The following DEPDC4 variants were observed in gnomAD, a reference collection of about 807,000 sequenced individuals.
The protein encoded by DEPDC4 is DEP domain containing 4.
Under a neutral mutation model 52.0 loss-of-function variants are expected in DEPDC4, and 52 were observed. The ratio of observed to expected loss-of-function variants is 1.00; its 90% confidence interval spans 0.80 to 1.26. The LOEUF is 1.26. DEPDC4 is among the 50% of genes most tolerant of loss of function. The pLI, the probability that DEPDC4 is intolerant of heterozygous loss-of-function variation, is 0.00. For missense variants in DEPDC4, 530 were observed against 546.9 expected, an observed-to-expected ratio of 0.97 and a Z score of 0.31; for synonymous variants, 201 against 196.8, an observed-to-expected ratio of 1.02 and a Z score of -0.18.
intron 8 of DEPDC4, among the ~76,000 whole-genome samples, chr12:100,246,311 C>T (rs543183611): frequency 6.6e-6 from 1 of 152,112 alleles, no homozygotes; most frequent in Non-Finnish European, 1.5e-5. Flanking sequence ...GGTAATCCTC[C>T]TCCAAGCTTC....
intron 8 of DEPDC4, among the ~76,000 whole-genome samples, chr12:100,246,505 C>T (rs938052908): frequency 6.6e-6 from 1 of 152,186 alleles, no homozygotes; most frequent in Admixed American, 6.5e-5. Context: ...TTATCTTATA[C>T]CTCTTTGCAT....
rs767452547 is a variant in DEPDC4 at position 100,256,182 on chromosome 12, G to T, written c.745C>A (p.His249Asn). ...AAAATATTGTCCAAGAATGGAAGGTGAATCAATTGAAGAAGACATAATAAT... is the reference window on the plus strand; with the variant it reads ...AAAATATTGTCCAAGAATGGAAGGTTAATCAATTGAAGAAGACATAATAAT... ...QTLLCLLQLI[H>N]LPFLDNILEP... Residue 249 changes from histidine to asparagine, a missense_variant, in exon 4 of 10, where the codon CAC becomes AAC. His to Asn is a moderately conservative substitution (Grantham distance 68). Coordinates refer to ENST00000550587, the MANE Select transcript of DEPDC4 (RefSeq NM_001364818.2). 6.2e-7 allele frequency: 1 copy of T among 1,612,698 alleles called. No individual in the cohort carries two copies. Among genetic ancestry groups the T allele is most frequent in the Non-Finnish European group, 8.5e-7 (1 of 1,179,138 alleles).
rs542908951 is a variant in DEPDC4 at position 100,252,881 on chromosome 12, G to C, written c.1106-345C>G. ...AATAACTCAGAAGTTAGTATTTCTA[G>C]GTACCTCGGTTCTTAAATCCTTGTA... On this transcript the variant is annotated intron_variant, in intron 5 of 9. Coordinates refer to ENST00000550587, the MANE Select transcript of DEPDC4 (RefSeq NM_001364818.2). 2.0e-5 allele frequency among the ~76,000 whole-genome samples: 3 copies of C among 152,200 alleles called. No homozygotes were observed. In the East Asian group the frequency reaches 5.8e-4, roughly 29 times the overall value.
chr12:100,270,100 C>A (rs1255982932), upstream of DEPDC4, among the ~76,000 whole-genome samples: 2 of 151,890 alleles, frequency 1.3e-5, no homozygotes, highest in African/African-American at 4.8e-5. Context: ...CATTCTCCTG[C>A]CTCAGCCTCC....
upstream of DEPDC4, among the ~76,000 whole-genome samples, chr12:100,269,886 T>C (rs549350358): frequency 6.6e-6 from 1 of 152,234 alleles, no homozygotes; most frequent in Non-Finnish European, 1.5e-5. Context: ...TAAGAAGTTA[T>C]CCAGGTTATT....
Position 100,248,926 on chromosome 12 carries a change from T to C in DEPDC4, c.1427A>G (p.His476Arg), listed in dbSNP as rs1052330654. Reference sequence around the variant, plus strand: ...TGATATGGCATCTGCATCTTCTCCATGTAGAAGCTTCTTAAGTTTCTTACT... The same window carrying C: ...TGATATGGCATCTGCATCTTCTCCACGTAGAAGCTTCTTAAGTTTCTTACT... ...LVSKKLKKLL[H>R]GEDADAISGM... Residue 476 changes from histidine (H) to arginine (R), a missense_variant, in exon 8 of 10, where the codon CAT becomes CGT. Transcript: ENST00000550587. 1.0e-6 allele frequency: 1 copy of C among 985,624 alleles called. No homozygotes were observed. Among genetic ancestry groups the C allele is most frequent in the Non-Finnish European group, 1.2e-6 (1 of 829,820 alleles). The allele number at this position is 985,624 out of a possible 1,614,324, so 61.1% of individuals were successfully genotyped here.
chr12:100,235,587 T>G (rs1053699601), downstream of DEPDC4, among the ~76,000 whole-genome samples: 1 of 148,676 alleles, frequency 6.7e-6, no homozygotes, highest in African/African-American at 2.5e-5. Flanking sequence ...TTTTTTTTTT[T>G]CCCCCAAGAT....
At chr12:100,247,846 C>T (rs1317837002) in intron 8 of DEPDC4, among the ~76,000 whole-genome samples, 2 of 152,094 alleles carry the variant, frequency 1.3e-5, no homozygotes, top group South Asian at 2.1e-4. Flanking sequence ...TACACTTATG[C>T]CCTCCTCTGT....
the DEPDC4 span, among the ~76,000 whole-genome samples, chr12:100,275,458 G>A: frequency 3.2e-4 from 48 of 152,190 alleles, no homozygotes; most frequent in African/African-American, 1.2e-3. Flanking sequence ...AGCCTCCCAA[G>A]GTGCTGGGAT....
chr12:100,268,813 G>A (rs1440942601), upstream of DEPDC4, among the ~76,000 whole-genome samples: 1 of 152,118 alleles, frequency 6.6e-6, no homozygotes, highest in Non-Finnish European at 1.5e-5. Flanking sequence ...TAACTCCGTG[G>A]GTAGCATCAC....
At chr12:100,276,521 A>C in the DEPDC4 span, among the ~76,000 whole-genome samples, 1 of 151,972 alleles carries the variant, frequency 6.6e-6, no homozygotes, top group Non-Finnish European at 1.5e-5. Context: ...TTGTTTTTGT[A>C]GAAACAGGGT....
chr12:100,272,731 G>A, the DEPDC4 span, among the ~76,000 whole-genome samples: 5 of 151,998 alleles, frequency 3.3e-5, no homozygotes, highest in East Asian at 5.8e-4. Context: ...TCTTAGTTTC[G>A]TTCTTTTCTT....
rs772328059 is a variant in DEPDC4, at chr12:100,266,937, C to A, written c.140G>T (p.Cys47Phe). Residue 47 changes from cysteine (C) to phenylalanine (F), a missense_variant, in exon 1 of 10, where the codon TGC (cysteine) becomes TTC (phenylalanine). Cys to Phe is a radical substitution (Grantham distance 205, BLOSUM62 -2). Transcript: ENST00000550587. ...PSSRNRRDGFCRKRRTGCSGP... is the reference protein window; with the variant it reads ...PSSRNRRDGFFRKRRTGCSGP... ...AGGGCTACCTGTCCTCCTTTTCCGG[C>A]AGAAGCCATCTCTACGGTTCCTGGA... is the stretch of plus-strand genomic sequence containing the variant. 5.0e-6 allele frequency: 8 copies of A among 1,613,486 alleles called. No individual in the cohort carries two copies. The South Asian group carries it at 7.7e-5, about 16-fold the overall frequency.
At chr12:100,244,220 G>A (rs776890986) in intron 8 of DEPDC4, among the ~76,000 whole-genome samples, 10 of 147,972 alleles carry the variant, frequency 6.8e-5, no homozygotes, top group Non-Finnish European at 1.2e-4. Context: ...TCTCTCTGTC[G>A]CCCAGGCTGG....
At chr12:100,264,484 G>T (rs1335866568) in intron 1 of DEPDC4, among the ~76,000 whole-genome samples, 1 of 152,086 alleles carries the variant, frequency 6.6e-6, no homozygotes, top group Non-Finnish European at 1.5e-5. Flanking sequence ...TTTGAGACCA[G>T]CCTGGCCAAC....
chr12:100,244,906 C>T (rs2096178721), intron 8 of DEPDC4, among the ~76,000 whole-genome samples: 1 of 151,800 alleles, frequency 6.6e-6, no homozygotes, highest in Non-Finnish European at 1.5e-5. Flanking sequence ...GAGTCTCACT[C>T]TGTTGCCCAG....
upstream of DEPDC4, chr12:100,267,194 C>A: frequency 3.5e-6 from 4 of 1,131,910 alleles, no homozygotes; most frequent in Non-Finnish European, 5.0e-6. Context: ...TTCCCCCTCC[C>A]TTACTCTTCG....
At chr12:100,232,766 C>A (rs1032341189) in intron 9 of DEPDC4, among the ~76,000 whole-genome samples, 6 of 152,236 alleles carry the variant, frequency 3.9e-5, no homozygotes, top group African/African-American at 1.4e-4. Context: ...GCCTGTAATC[C>A]CAGCTACTTG....
At chr12:100,277,661 C>T in the DEPDC4 span, among the ~76,000 whole-genome samples, 1 of 152,114 alleles carries the variant, frequency 6.6e-6, no homozygotes, top group Non-Finnish European at 1.5e-5. Context: ...ATTTGATAAT[C>T]TCTGCCTTGT....
Sources: gnomAD v4.1 joint callset for allele counts (sites outside exome capture counted in the v4.1 genomes callset) on GRCh38, gnomAD v4.1.1 for gene constraint, MANE v1.5 for transcripts, NCBI Gene and HGNC (gene_info 2026-07-23, HGNC 2026-07-21) for gene names.